Variants in PHKB observed in about 807,000 individuals in gnomAD.
PHKB encodes phosphorylase kinase regulatory subunit beta.
A neutral mutation model predicts 152.1 loss-of-function variants in PHKB; 122 were observed. The observed-to-expected ratio is 0.80, with a 90% CI of 0.69 to 0.93. The LOEUF (loss-of-function observed/expected upper bound fraction) is 0.93. PHKB is among the 40% of genes least tolerant of loss of function. PHKB has a pLI of 0.00. For missense variants in PHKB, 1,304 were observed against 1,328.4 expected (o/e 0.98, Z 0.29); for synonymous variants, 436 against 464.9 (o/e 0.94, Z 0.80).
chr16:47,558,420 T>G (rs1379577795), intron 7 of PHKB, among the ~76,000 whole-genome samples: 2 of 151,998 alleles, frequency 1.3e-5, no homozygotes, highest in Non-Finnish European at 2.9e-5. Flanking sequence ...AAATGTGAGG[T>G]CATGTTATGA....
At chr16:47,574,535 T>C (rs187117731) in intron 7 of PHKB, among the ~76,000 whole-genome samples, 34 of 152,346 alleles carry the variant, frequency 2.2e-4, no homozygotes, top group African/African-American at 8.2e-4. Flanking sequence ...GCCTCCAATC[T>C]GGAGCCTGGG....
chr16:47,472,460 G>A (rs1002657324), intron 1 of PHKB, among the ~76,000 whole-genome samples: 1 of 152,092 alleles, frequency 6.6e-6, no homozygotes, highest in Admixed American at 6.5e-5. Context: ...ACTAGCCTGT[G>A]CAACATGACG....
At chr16:47,513,896 T>C (rs1203175310) in intron 5 of PHKB, among the ~76,000 whole-genome samples, 1 of 152,246 alleles carries the variant, frequency 6.6e-6, no homozygotes, top group Non-Finnish European at 1.5e-5. Context: ...GTATATAGTT[T>C]GATGGTTTTT....
chr16:47,627,222 C>A (rs1442441142), intron 14 of PHKB, among the ~76,000 whole-genome samples: 1 of 152,164 alleles, frequency 6.6e-6, no homozygotes, highest in Non-Finnish European at 1.5e-5. Context: ...GTTTCTATGG[C>A]GTTCTCGTCA....
At chr16:47,468,459 C>T (rs1969707632) in intron 1 of PHKB, among the ~76,000 whole-genome samples, 1 of 152,236 alleles carries the variant, frequency 6.6e-6, no homozygotes, top group Admixed American at 6.5e-5. Flanking sequence ...CGAGATCAGC[C>T]TGGCCAACAT....
chr16:47,569,003 G>A (rs1971614036), intron 7 of PHKB, among the ~76,000 whole-genome samples: 1 of 152,144 alleles, frequency 6.6e-6, no homozygotes, highest in Non-Finnish European at 1.5e-5. Flanking sequence ...CAGTTTTCAG[G>A]TAGAATGTTC....
intron 26 of PHKB, among the ~76,000 whole-genome samples, chr16:47,678,037 G>A (rs187143354): frequency 3.3e-5 from 5 of 150,592 alleles, no homozygotes; most frequent in Non-Finnish European, 5.9e-5. Context: ...TTTTGTCCTC[G>A]CAATAGTTTG....
chr16:47,619,078 A>G (rs1218347063), intron 14 of PHKB: 4 of 152,166 alleles, frequency 2.6e-5, no homozygotes, highest in Admixed American at 2.0e-4. Context: ...TACCCACATT[A>G]TATCTGATTT....
chr16:47,476,735 C>A (rs1421893389), intron 1 of PHKB, among the ~76,000 whole-genome samples: 2 of 152,112 alleles, frequency 1.3e-5, no homozygotes, highest in Non-Finnish European at 2.9e-5. Context: ...TAATTCAAGG[C>A]CCTAGAATGA....
chr16:47,637,371 C>T (rs1371057923), intron 14 of PHKB, among the ~76,000 whole-genome samples: 4 of 152,148 alleles, frequency 2.6e-5, no homozygotes, highest in Non-Finnish European at 4.4e-5. Context: ...CCACCCAACA[C>T]CTGGCTCACC....
chr16:47,480,471 C>T (rs1482243347), intron 1 of PHKB, among the ~76,000 whole-genome samples: 1 of 152,000 alleles, frequency 6.6e-6, no homozygotes, highest in African/African-American at 2.4e-5. Context: ...TAAGATTCAA[C>T]AATATTATGG....
At chr16:47,695,939 T>C (rs1974139391) in intron 28 of PHKB, among the ~76,000 whole-genome samples, 1 of 152,238 alleles carries the variant, frequency 6.6e-6, no homozygotes, top group Admixed American at 6.5e-5. Context: ...TTTGCTTGTT[T>C]GTATGCATTT....
intron 14 of PHKB, among the ~76,000 whole-genome samples, chr16:47,613,422 G>T (rs964512147): frequency 6.6e-6 from 1 of 152,100 alleles, no homozygotes; most frequent in Admixed American, 6.5e-5. Context: ...CTAAAGGTCG[G>T]TTATGTAGGC....
intron 8 of PHKB, among the ~76,000 whole-genome samples, chr16:47,582,498 A>G (rs759633842): frequency 1.1e-4 from 17 of 152,288 alleles, no homozygotes; most frequent in South Asian, 2.1e-4. Flanking sequence ...CAGTTTCTCA[A>G]TCTTGACTAT....
chr16:47,527,708 G>A (rs747540927), intron 6 of PHKB, among the ~76,000 whole-genome samples: 13 of 152,208 alleles, frequency 8.5e-5, no homozygotes, highest in Non-Finnish European at 1.8e-4. Context: ...TAAACATAGT[G>A]TTTTAAAGGT....
chr16:47,528,948 C>T (rs942705876), intron 6 of PHKB, among the ~76,000 whole-genome samples: 1 of 152,180 alleles, frequency 6.6e-6, no homozygotes, highest in African/African-American at 2.4e-5. Flanking sequence ...CCCACCTCAA[C>T]CTCCCAAAGT....
At chr16:47,648,761 T>C (rs1406695891) in intron 17 of PHKB, 145 bp downstream of exon 17, 1 of 689,188 alleles carries the variant, frequency 1.5e-6, no homozygotes, top group Non-Finnish European at 2.7e-6. Flanking sequence ...TAGTAAACAT[T>C]ACTTATTTAG....
intron 26 of PHKB, among the ~76,000 whole-genome samples, chr16:47,683,300 G>A (rs1245724966): frequency 6.6e-6 from 1 of 152,226 alleles, no homozygotes; most frequent in Non-Finnish European, 1.5e-5. Flanking sequence ...CTGTCAGACG[G>A]GACATTTAAG....
chr16:47,668,581 T>G (rs943089182), intron 25 of PHKB, among the ~76,000 whole-genome samples: 1 of 151,958 alleles, frequency 6.6e-6, no homozygotes, highest in Non-Finnish European at 1.5e-5. Flanking sequence ...CTGCCCAGAG[T>G]TTTTTTGGCC....
Sources: allele counts gnomAD v4.1 joint callset (sites outside exome capture counted in the v4.1 genomes callset), GRCh38; gene constraint gnomAD v4.1.1; transcripts MANE v1.5; gene names NCBI Gene and HGNC (gene_info 2026-07-23, HGNC 2026-07-21).